DPF3: variants seen among roughly 807,000 people sequenced by gnomAD.
The protein encoded by DPF3 is double PHD fingers 3.
In DPF3, 18 loss-of-function variants were observed where a neutral mutation model predicts 56.8. That is an observed-to-expected ratio of 0.32 (90% confidence interval 0.22 to 0.47). DPF3 has a LOEUF of 0.47. DPF3 is among the 20% of genes least tolerant of loss of function. The pLI is 1.00. For missense variants in DPF3, 403 were observed against 488.8 expected, an observed-to-expected ratio of 0.82 and a Z score of 1.65; for synonymous variants, 188 against 180.2, an observed-to-expected ratio of 1.04 and a Z score of -0.35.
At chr14:72,786,906 G>C (rs1361789215) in intron 1 of DPF3, among the ~76,000 whole-genome samples, 1 of 152,224 alleles carries the variant, frequency 6.6e-6, no homozygotes, top group Non-Finnish European at 1.5e-5. Context: ...TCTAGGAAAT[G>C]CTGTTGGCCA....
At chr14:72,767,157 G>A (rs10131397) in intron 2 of DPF3, among the ~76,000 whole-genome samples, 46,124 of 152,024 alleles carry the variant, frequency 0.3, 7,960 homozygotes, top group Middle Eastern at 0.38. Context: ...GGGGAGCCTC[G>A]CCTCCCCTAC....
intron 1 of DPF3, among the ~76,000 whole-genome samples, chr14:72,864,319 G>A (rs1885574625): frequency 6.6e-6 from 1 of 152,102 alleles, no homozygotes; most frequent in African/African-American, 2.4e-5. Context: ...CCCTACAAGG[G>A]GACAAACCCA....
At chr14:72,660,028 G>C (rs988757511) in intron 8 of DPF3, among the ~76,000 whole-genome samples, 8 of 152,166 alleles carry the variant, frequency 5.3e-5, no homozygotes, top group Non-Finnish European at 8.8e-5. Context: ...AAGTAGAATG[G>C]TGGTTGCCAG....
intron 1 of DPF3, among the ~76,000 whole-genome samples, chr14:72,875,674 A>G (rs550087420): frequency 6.6e-6 from 1 of 152,318 alleles, no homozygotes; most frequent in South Asian, 2.1e-4. Context: ...CTGAGCTTAC[A>G]AAGTGTGCAA....
At chr14:72,791,637 T>C (rs1159564003) in intron 1 of DPF3, among the ~76,000 whole-genome samples, 2 of 152,246 alleles carry the variant, frequency 1.3e-5, no homozygotes, top group Non-Finnish European at 2.9e-5. Context: ...CCATCACAGC[T>C]TCAAAATCAC....
Position 72,669,665 on chromosome 14 carries a change from T to C in DPF3, c.871+4575A>G, listed in dbSNP as rs1886584372. 2.0e-5 allele frequency among the ~76,000 whole-genome samples: 3 copies of C among 152,118 alleles called. No individual in the cohort carries two copies. In the South Asian group the frequency reaches 6.2e-4, roughly 32 times the overall value. On this transcript the variant is annotated intron_variant, in intron 8 of 10. Coordinates refer to ENST00000556509, the MANE Select transcript of DPF3 (RefSeq NM_001280542.3). ...CAAGCACTTCCCCAGCCATTTTCTCTTGTAGTTGAAGCCAGAAGCCTGCCA... is the reference window on the plus strand; with the variant it reads ...CAAGCACTTCCCCAGCCATTTTCTCCTGTAGTTGAAGCCAGAAGCCTGCCA...
At chr14:72,648,672 G>A (rs1024317406) in intron 8 of DPF3, among the ~76,000 whole-genome samples, 2 of 151,524 alleles carry the variant, frequency 1.3e-5, no homozygotes, top group African/African-American at 2.4e-5. Flanking sequence ...TCCTATTACC[G>A]GGAATGAACG....
Position 72,609,845 on chromosome 14 carries a change from C to T in DPF3, c.*9452G>A, listed in dbSNP as rs1883621569. Among the ~76,000 whole-genome samples the T allele has an allele frequency of 1.3e-5, 2 of 152,208 alleles. No homozygotes were observed. The highest frequency in any genetic ancestry group is 1.3e-4 in the Admixed American group (2 of 15,278). ...CAAATCTGTAGCCCTTTTCTGTAAC[C>T]TCATGAAAGCTGTGTCAGACTCAGT... On this transcript the variant is annotated 3_prime_UTR_variant, in exon 11 of 11. Transcript: ENST00000556509.
chr14:72,664,410 A>C (rs1253810201), intron 8 of DPF3, among the ~76,000 whole-genome samples: 2 of 151,542 alleles, frequency 1.3e-5, no homozygotes, highest in African/African-American at 4.9e-5. Context: ...CCAACTTGGC[A>C]CTCCTAACTT....
At chr14:72,720,455 G>A (rs568021200) in intron 5 of DPF3, among the ~76,000 whole-genome samples, 20 of 152,288 alleles carry the variant, frequency 1.3e-4, no homozygotes, top group African/African-American at 2.4e-4. Context: ...CCATGGCTCC[G>A]TGCATGGGTA....
intron 1 of DPF3, among the ~76,000 whole-genome samples, chr14:72,772,454 G>T (rs367699248): frequency 9.9e-5 from 15 of 152,150 alleles, no homozygotes; most frequent in Admixed American, 8.5e-4. Context: ...CAGGAAGAAG[G>T]GGGTGTAGAG....
intron 1 of DPF3, among the ~76,000 whole-genome samples, chr14:72,858,983 A>T (rs532485954): frequency 6.6e-6 from 1 of 152,348 alleles, no homozygotes; most frequent in African/African-American, 2.4e-5. Flanking sequence ...ATGCACACAC[A>T]TACCTATATA....
At chr14:72,766,935 G>A (rs918121947) in intron 2 of DPF3, among the ~76,000 whole-genome samples, 2 of 152,210 alleles carry the variant, frequency 1.3e-5, no homozygotes, top group African/African-American at 4.8e-5. Flanking sequence ...TGCTGGGTTG[G>A]TGTCAGAGAA....
At chr14:72,652,215 C>A (rs1023332096) in intron 8 of DPF3, among the ~76,000 whole-genome samples, 12 of 152,328 alleles carry the variant, frequency 7.9e-5, no homozygotes, top group African/African-American at 2.9e-4. Flanking sequence ...AAAGGTAAAG[C>A]CTATGGGGAA....
At chr14:72,875,021 T>C (rs8021248) in intron 1 of DPF3, among the ~76,000 whole-genome samples, 5,638 of 152,204 alleles carry the variant, frequency 0.037, 348 homozygotes, top group African/African-American at 0.13. Context: ...ACACTTCTTA[T>C]ATGGCAGCAG....
At position 72,612,779 on chromosome 14, in the gene DPF3, G is replaced by A. The variant is rs922208423; in HGVS notation, c.*6518C>T. 6.6e-6 allele frequency among the ~76,000 whole-genome samples: 1 copy of A among 152,222 alleles called. No homozygotes were observed. Among genetic ancestry groups the A allele is most frequent in the Non-Finnish European group, 1.5e-5 (1 of 68,040 alleles). ...ATATCTTTCATGAAAAGAAGCATAG[G>A]TGAACGAAGGGAAGAGAAGGAGAGA... On this transcript the variant is annotated 3_prime_UTR_variant, in exon 11 of 11. Transcript: ENST00000556509.
At chr14:72,861,307 C>A (rs909664296) in intron 1 of DPF3, among the ~76,000 whole-genome samples, 14 of 152,142 alleles carry the variant, frequency 9.2e-5, no homozygotes, top group African/African-American at 3.4e-4. Flanking sequence ...ACATTTCCTC[C>A]ACTGGATAAC....
At chr14:72,671,543 GA>G in intron 8 of DPF3, 1 of 772,182 alleles carries the variant, frequency 1.3e-6, no homozygotes, top group Non-Finnish European at 2.3e-6. Context: ...CCCACTCCCC[GA>G]AAAGGCATCA....
At chr14:72,684,956 A>G (rs1321782290) in intron 7 of DPF3, among the ~76,000 whole-genome samples, 2 of 152,210 alleles carry the variant, frequency 1.3e-5, no homozygotes, top group Non-Finnish European at 1.5e-5. Context: ...CACCAAAGAA[A>G]GGCCATGTGA....
Sources: gnomAD v4.1 joint callset for allele counts (sites outside exome capture counted in the v4.1 genomes callset) on GRCh38, gnomAD v4.1.1 for gene constraint, MANE v1.5 for transcripts, NCBI Gene and HGNC (gene_info 2026-07-23, HGNC 2026-07-21) for gene names.